Variants in SLC9A9 observed in about 807,000 individuals in gnomAD.
SLC9A9 encodes solute carrier family 9 member A9, also known as sodium/hydrogen exchanger 9.
In SLC9A9, 62 loss-of-function variants were observed where a neutral mutation model predicts 77.8. The observed-to-expected ratio is 0.80, with a 90% CI of 0.65 to 0.98. SLC9A9 has a LOEUF of 0.98. Among genes scored for constraint, SLC9A9 ranks in the 50% least tolerant of loss-of-function variants. The pLI is 0.00. For synonymous variants in SLC9A9, 320 were observed against 283.5 expected (o/e 1.13, Z -1.29); for missense variants, 775 against 774.9 (o/e 1.00, Z 0.00).
chr3:143,270,601 A>G (rs1009803889), intron 14 of SLC9A9, among the ~76,000 whole-genome samples: 1 of 152,216 alleles, frequency 6.6e-6, no homozygotes, highest in South Asian at 2.1e-4. Context: ...ATTAAAAAAA[A>G]TCCAGCCAAT....
chr3:143,716,174 A>T (rs1293572737), intron 4 of SLC9A9, among the ~76,000 whole-genome samples: 1 of 152,144 alleles, frequency 6.6e-6, no homozygotes. Flanking sequence ...TCCTGGGCTC[A>T]AGAGATCCTC....
intron 6 of SLC9A9, among the ~76,000 whole-genome samples, chr3:143,611,020 C>CA (rs796121646): frequency 3.3e-5 from 5 of 150,946 alleles, no homozygotes; most frequent in South Asian, 2.1e-4. Flanking sequence ...TTTAAGGTGC[C>CA]AAAAAAAACT....
chr3:143,829,917 T>C (rs1050389763), intron 2 of SLC9A9, among the ~76,000 whole-genome samples: 4 of 152,088 alleles, frequency 2.6e-5, no homozygotes, highest in South Asian at 2.1e-4. Flanking sequence ...GCTCCTCACT[T>C]CACAAATAAG....
chr3:143,617,223 C>A (rs1279997279), intron 6 of SLC9A9, among the ~76,000 whole-genome samples: 1 of 152,186 alleles, frequency 6.6e-6, no homozygotes, highest in East Asian at 1.9e-4. Context: ...CAAGAGTCAG[C>A]AAACTATAGT....
chr3:143,741,433 TATAA>T (rs1935070183), intron 4 of SLC9A9, among the ~76,000 whole-genome samples: 1 of 152,200 alleles, frequency 6.6e-6, no homozygotes, highest in South Asian at 2.1e-4. Flanking sequence ...TCCACACTGA[TATAA>T]ATAAAGAATT....
At chr3:143,365,627 A>C (rs1187929723) in intron 13 of SLC9A9, among the ~76,000 whole-genome samples, 1 of 152,190 alleles carries the variant, frequency 6.6e-6, no homozygotes, top group Non-Finnish European at 1.5e-5. Flanking sequence ...CCGGAGTGCC[A>C]TGCCTTGTTA....
chr3:143,501,169 T>TA (rs2035917603), intron 9 of SLC9A9, among the ~76,000 whole-genome samples: 1 of 150,684 alleles, frequency 6.6e-6, no homozygotes, highest in African/African-American at 2.5e-5. Flanking sequence ...CAAATATCCA[T>TA]AATATAAGAA....
At chr3:143,768,228 T>C (rs1304058670) in intron 4 of SLC9A9, among the ~76,000 whole-genome samples, 1 of 152,094 alleles carries the variant, frequency 6.6e-6, no homozygotes, top group East Asian at 1.9e-4. Flanking sequence ...CAGAGAAACA[T>C]TTCTACCTAA....
At chr3:143,778,145 T>C (rs937349085) in intron 4 of SLC9A9, among the ~76,000 whole-genome samples, 1 of 151,722 alleles carries the variant, frequency 6.6e-6, no homozygotes, top group African/African-American at 2.4e-5. Context: ...TCAATCACTG[T>C]GTATGTTTTT....
intron 6 of SLC9A9, among the ~76,000 whole-genome samples, chr3:143,635,691 C>T (rs1267574030): frequency 6.6e-6 from 1 of 152,122 alleles, no homozygotes. Flanking sequence ...ACTATTTTCC[C>T]CATTTTCCCC....
chr3:143,649,138 T>C (rs1467520255), intron 6 of SLC9A9, among the ~76,000 whole-genome samples: 1 of 152,234 alleles, frequency 6.6e-6, no homozygotes, highest in Admixed American at 6.5e-5. Flanking sequence ...TTCTTTCTAC[T>C]CTACCATGCT....
chr3:143,470,313 T>C (rs1455354335), intron 11 of SLC9A9, among the ~76,000 whole-genome samples: 1 of 151,938 alleles, frequency 6.6e-6, no homozygotes, highest in Non-Finnish European at 1.5e-5. Context: ...ACCCTGCCTC[T>C]ACTAAAAATA....
At chr3:143,275,440 C>T (rs1364317632) in intron 14 of SLC9A9, among the ~76,000 whole-genome samples, 1 of 152,140 alleles carries the variant, frequency 6.6e-6, no homozygotes, top group African/African-American at 2.4e-5. Flanking sequence ...TTTTTAGGAG[C>T]ATTCTATTTC....
At chr3:143,419,642 C>T (rs769750049) in intron 12 of SLC9A9, among the ~76,000 whole-genome samples, 5 of 152,098 alleles carry the variant, frequency 3.3e-5, no homozygotes, top group Admixed American at 6.5e-5. Context: ...CCTGTGTTAG[C>T]GTGGGTGAGA....
chr3:143,338,345 T>C (rs1234129268), intron 14 of SLC9A9, among the ~76,000 whole-genome samples: 1 of 152,226 alleles, frequency 6.6e-6, no homozygotes, highest in Non-Finnish European at 1.5e-5. Context: ...TGGCCTTATT[T>C]GGTCTTGGTA....
chr3:143,576,952 C>G (rs1228448339), intron 7 of SLC9A9, among the ~76,000 whole-genome samples: 2 of 152,164 alleles, frequency 1.3e-5, no homozygotes, highest in Non-Finnish European at 2.9e-5. Context: ...GTCTCCTTTT[C>G]TTTATCTCCA....
chr3:143,551,191 A>T (rs531973958), intron 9 of SLC9A9, among the ~76,000 whole-genome samples: 1 of 152,306 alleles, frequency 6.6e-6, no homozygotes, highest in Admixed American at 6.5e-5. Context: ...AATCTTCCAG[A>T]GGCTAAGAGA....
intron 4 of SLC9A9, among the ~76,000 whole-genome samples, chr3:143,758,386 C>G (rs2006999878): frequency 6.6e-6 from 1 of 152,146 alleles, no homozygotes; most frequent in South Asian, 2.1e-4. Context: ...GGCATCAATT[C>G]TCAAAATTGG....
intron 14 of SLC9A9, 134 bp from the exon 15 acceptor site, chr3:143,269,114 G>T (rs1937824884): frequency 2.8e-6 from 2 of 705,442 alleles, no homozygotes; most frequent in Non-Finnish European, 2.6e-6. Context: ...GAAGAAATTT[G>T]CCCTGCAAAA....
Sources: gnomAD v4.1 joint callset for allele counts (sites outside exome capture counted in the v4.1 genomes callset) on GRCh38, gnomAD v4.1.1 for gene constraint, MANE v1.5 for transcripts, NCBI Gene and HGNC (gene_info 2026-07-23, HGNC 2026-07-21) for gene names.